Variants in UNC79 observed in about 807,000 individuals in gnomAD.
The protein encoded by UNC79 is unc-79 subunit of NALCN channel complex, also known as protein unc-79 homolog.
Under a neutral mutation model 283.1 loss-of-function variants are expected in UNC79, and 37 were observed. The observed-to-expected ratio is 0.13, with a 90% CI of 0.10 to 0.17. The LOEUF (loss-of-function observed/expected upper bound fraction) is 0.17, where lower values mean the gene tolerates loss of function less well. Among genes scored for constraint, UNC79 ranks in the 10% least tolerant of loss-of-function variants. The pLI, the probability that UNC79 is intolerant of heterozygous loss-of-function variation, is 1.00. For synonymous variants in UNC79, 1,107 were observed against 1,200.2 expected, an observed-to-expected ratio of 0.92 and a Z score of 1.61; for missense variants, 2,272 against 3,211.1, an observed-to-expected ratio of 0.71 and a Z score of 7.07.
At chr14:93,352,416 C>T (rs2053995782) in intron 1 of UNC79, among the ~76,000 whole-genome samples, 1 of 152,196 alleles carries the variant, frequency 6.6e-6, no homozygotes, top group Non-Finnish European at 1.5e-5. Flanking sequence ...GAATCTTTTC[C>T]ATAGAACTTT....
chr14:93,624,655 A>G (rs983767260), intron 30 of UNC79, among the ~76,000 whole-genome samples: 1 of 152,200 alleles, frequency 6.6e-6, no homozygotes. Flanking sequence ...TGATAGTTAT[A>G]ACATGTCTTT....
At chr14:93,578,313 C>T (rs981607186) in intron 18 of UNC79, among the ~76,000 whole-genome samples, 18 of 152,126 alleles carry the variant, frequency 1.2e-4, no homozygotes, top group African/African-American at 4.3e-4. Context: ...AGAATTGATT[C>T]TGTTAAATAA....
chr14:93,697,145 T>G (rs2075193287), intron 47 of UNC79, among the ~76,000 whole-genome samples: 1 of 152,196 alleles, frequency 6.6e-6, no homozygotes, highest in Admixed American at 6.5e-5. Flanking sequence ...TATTTTTATT[T>G]TTTTTCCTGA....
intron 1 of UNC79, chr14:93,464,542 A>G (rs1167794238): frequency 4.4e-6 from 2 of 456,320 alleles, no homozygotes; most frequent in Non-Finnish European, 8.8e-6. Context: ...TTTGAGGTTA[A>G]GGTTTCAACA....
intron 47 of UNC79, among the ~76,000 whole-genome samples, chr14:93,696,776 A>C (rs1025103755): frequency 6.6e-6 from 1 of 152,064 alleles, no homozygotes; most frequent in Admixed American, 6.5e-5. Context: ...ATGAAGTACC[A>C]TTTACCAATT....
chr14:93,461,587 T>G (rs138970477), intron 1 of UNC79, among the ~76,000 whole-genome samples: 1 of 152,320 alleles, frequency 6.6e-6, no homozygotes, highest in African/African-American at 2.4e-5. Context: ...TAAAAAGCCA[T>G]TCTTTCCCTT....
intron 47 of UNC79, among the ~76,000 whole-genome samples, chr14:93,701,912 G>C (rs2075558016): frequency 6.6e-6 from 1 of 152,190 alleles, no homozygotes; most frequent in Admixed American, 6.5e-5. Context: ...CTTAGCCACA[G>C]TGGCAGCACT....
chr14:93,616,977 C>T, intron 27 of UNC79, 145 bp from the exon 29 acceptor site: 2 of 652,934 alleles, frequency 3.1e-6, no homozygotes, highest in South Asian at 3.0e-5. Flanking sequence ...GCGTACTAGC[C>T]ATTACTTTTA....
At chr14:93,583,377 T>A (rs2141798678) in intron 20 of UNC79, among the ~76,000 whole-genome samples, 1 of 152,218 alleles carries the variant, frequency 6.6e-6, no homozygotes, top group African/African-American at 2.4e-5. Flanking sequence ...CCCACTCCAG[T>A]ATCAGGAGGC....
At chr14:93,493,905 T>A (rs200591133) in intron 5 of UNC79, among the ~76,000 whole-genome samples, 2,521 of 117,926 alleles carry the variant, frequency 0.021, 31 homozygotes, top group East Asian at 0.12. Context: ...ATATATATTT[T>A]TTTTTTTTTT....
At chr14:93,686,527 A>C in intron 42 of UNC79, 45 bp from the exon 46 acceptor site, 1 of 1,601,602 alleles carries the variant, frequency 6.2e-7, no homozygotes, top group Non-Finnish European at 8.6e-7. Flanking sequence ...CATTGGAGTC[A>C]GGGCAAAAAT....
At chr14:93,506,731 C>T (rs1027576225) in intron 7 of UNC79, among the ~76,000 whole-genome samples, 2 of 152,014 alleles carry the variant, frequency 1.3e-5, no homozygotes, top group African/African-American at 4.8e-5. Flanking sequence ...AGGCTTATCT[C>T]TCTTTTGTTA....
chr14:93,374,610 C>T (rs1260906971), intron 1 of UNC79, among the ~76,000 whole-genome samples: 1 of 152,178 alleles, frequency 6.6e-6, no homozygotes, highest in East Asian at 1.9e-4. Flanking sequence ...ATGATCATGG[C>T]TCACTGCAGT....
chr14:93,575,045 C>CT lies in UNC79; in HGVS notation c.2071-7dup. The CT allele has an allele frequency of 6.3e-7, 1 of 1,587,766 alleles. No individual in the cohort carries two copies. The highest frequency in any genetic ancestry group is 8.6e-7 in the Non-Finnish European group (1 of 1,169,074). ...CATGTGTTTTTTGGGGGATATATGC[C>CT]TTTTTTCCCTAGGTATTATCGGAGT... On this transcript the variant is annotated splice_polypyrimidine_tract_variant and intron_variant, in intron 16 of 48. Coordinates refer to ENST00000555664, the Ensembl canonical transcript of UNC79.
chr14:93,633,266 T>C (rs2068191180), intron 31 of UNC79, among the ~76,000 whole-genome samples: 1 of 152,230 alleles, frequency 6.6e-6, no homozygotes, highest in Non-Finnish European at 1.5e-5. Flanking sequence ...TAATATTGAC[T>C]TTAAGACACA....
intron 1 of UNC79, among the ~76,000 whole-genome samples, chr14:93,334,276 G>A (rs750662715): frequency 6.6e-5 from 10 of 152,114 alleles, no homozygotes; most frequent in Non-Finnish European, 1.2e-4. Flanking sequence ...CCTTGAAAAG[G>A]ATAGCTCTTT....
intron 3 of UNC79, among the ~76,000 whole-genome samples, chr14:93,475,031 A>G (rs2057723141): frequency 1.3e-5 from 2 of 152,216 alleles, no homozygotes; most frequent in Non-Finnish European, 2.9e-5. Context: ...AATATATGAT[A>G]TTAGTGGTGC....
At chr14:93,672,343 A>G (rs528310370) in intron 40 of UNC79, among the ~76,000 whole-genome samples, 3 of 152,350 alleles carry the variant, frequency 2.0e-5, no homozygotes, top group Admixed American at 6.5e-5. Flanking sequence ...ATGAACTACT[A>G]TTCAACCATA....
chr14:93,615,188 G>A (rs1316529249), intron 27 of UNC79, among the ~76,000 whole-genome samples: 2 of 152,152 alleles, frequency 1.3e-5, no homozygotes, highest in African/African-American at 4.8e-5. Flanking sequence ...ATCAATGCCT[G>A]TCTCATGGTA....
Sources: gnomAD v4.1 joint callset for allele counts (sites outside exome capture counted in the v4.1 genomes callset) on GRCh38, gnomAD v4.1.1 for gene constraint, MANE v1.5 for transcripts, NCBI Gene and HGNC (gene_info 2026-07-23, HGNC 2026-07-21) for gene names.